STOX1: variants seen among roughly 807,000 people sequenced by gnomAD.
The protein encoded by STOX1 is storkhead box 1.
STOX1 carries 57 observed loss-of-function variants against 74.8 expected under a neutral mutation model. That is an observed-to-expected ratio of 0.76 (90% CI 0.62 to 0.95). The LOEUF (loss-of-function observed/expected upper bound fraction) is 0.95. Among genes scored for constraint, STOX1 ranks in the 40% least tolerant of loss-of-function variants. The pLI, the probability that STOX1 is intolerant of heterozygous loss-of-function variation, is 0.00. For missense variants in STOX1, 1,010 were observed against 1,117.0 expected (o/e 0.90, Z 1.37); for synonymous variants, 375 against 401.3 (o/e 0.93, Z 0.78).
intron 3 of STOX1, among the ~76,000 whole-genome samples, chr10:68,890,220 C>T (rs962059374): frequency 1.3e-5 from 2 of 151,430 alleles, no homozygotes; most frequent in African/African-American, 4.9e-5. Context: ...GGATAGAGTA[C>T]AGTGGTTCAG....
At position 68,865,343 on chromosome 10, in the gene STOX1, C is replaced by T. The variant is rs1163182; in HGVS notation, c.311-16615C>T. Reference sequence around the variant, plus strand: ...ATAGTAAAGAAACAGTCTTTTAAATCTGTGACTATTAAAGGCCAGTTTTTG... The same window carrying T: ...ATAGTAAAGAAACAGTCTTTTAAATTTGTGACTATTAAAGGCCAGTTTTTG... On this transcript the variant is annotated intron_variant, in intron 1 of 3. Coordinates refer to ENST00000298596, the MANE Select transcript of STOX1 (RefSeq NM_152709.5). 3.9e-3 allele frequency among the ~76,000 whole-genome samples: 592 copies of T among 152,282 alleles called. 3 individuals carry two copies. Among genetic ancestry groups the T allele is most frequent in the African/African-American group, 0.014 (564 of 41,570 alleles).
Position 68,881,941 on chromosome 10 carries a change from T to A in STOX1, c.311-17T>A. The A allele has an allele frequency of 6.2e-7, 1 of 1,613,750 alleles. No homozygotes were observed. Among genetic ancestry groups the A allele is most frequent in the African/African-American group, 1.3e-5 (1 of 75,048 alleles). On this transcript the variant is annotated splice_polypyrimidine_tract_variant and intron_variant, in intron 1 of 3. Transcript: ENST00000298596. ...TTTATCAACCCCCTCCCCCTTTTTT[T>A]TAAATCTCCAATTTAGGTGATGTCT...
chr10:68,843,322 G>A (rs1839743177), intron 1 of STOX1, among the ~76,000 whole-genome samples: 1 of 152,182 alleles, frequency 6.6e-6, no homozygotes, highest in Admixed American at 6.5e-5. Flanking sequence ...GTGAGCCACT[G>A]TACCTAGGTG....
In STOX1 at chr10:68,892,952, A is replaced by C. The variant is rs3482; in HGVS notation, c.*216A>C. On this transcript the variant is annotated 3_prime_UTR_variant, in exon 4 of 4. Transcript: ENST00000298596. ...CTTATTTTACTGTGAGTTTATTGGG[A>C]GTATATAGATTATTTTCGATTAAAA... 563 of 485,586 alleles carry C rather than the reference A, an allele frequency of 1.2e-3. 7 individuals are homozygous for C. In the East Asian group the frequency reaches 0.02, roughly 17 times the overall value. The allele number at this position is 485,586 out of a possible 1,614,324, so 30.1% of individuals were successfully genotyped here.
At chr10:68,835,512 A>G (rs924721905) in intron 1 of STOX1, among the ~76,000 whole-genome samples, 10 of 151,962 alleles carry the variant, frequency 6.6e-5, no homozygotes, top group African/African-American at 2.4e-4. Context: ...TTTTGTAGAG[A>G]TGGAGTCTCC....
At position 68,885,815 on chromosome 10, in the gene STOX1, T is replaced by C. The variant is rs368983864; in HGVS notation, c.2019T>C (p.Asp673=). The part of the protein sequence containing the change: ...IHQFQNLGLL[D]YPVGVNPLRQ... ...AGTTTCAAAATCTTGGCCTTTTGGA[T>C]TACCCAGTTGGCGTGAACCCTTTAA... Residue 673 remains aspartate, a synonymous_variant, in exon 3 of 4, where the codon GAT becomes GAC. Coordinates refer to ENST00000298596, the MANE Select transcript of STOX1 (RefSeq NM_152709.5). 3 of 1,613,926 alleles carry C rather than the reference T, an allele frequency of 1.9e-6. No individual in the cohort carries two copies. In the African/African-American group the frequency reaches 4.0e-5, roughly 22 times the overall value.
intron 1 of STOX1, among the ~76,000 whole-genome samples, chr10:68,859,411 A>G (rs996627100): frequency 6.6e-6 from 1 of 152,128 alleles, no homozygotes; most frequent in Non-Finnish European, 1.5e-5. Context: ...AAAACTAGGC[A>G]ATCCTAGTTG....
At chr10:68,858,773 C>T (rs1840189699) in intron 1 of STOX1, among the ~76,000 whole-genome samples, 1 of 151,690 alleles carries the variant, frequency 6.6e-6, no homozygotes, top group African/African-American at 2.4e-5. Flanking sequence ...GATTCTTGTG[C>T]AGGTCCTGTT....
chr10:68,828,967 C>G (rs1410515729), intron 1 of STOX1: 4 of 985,330 alleles, frequency 4.1e-6, no homozygotes, highest in Non-Finnish European at 4.8e-6. Context: ...CGTGAGTGGT[C>G]TCTGACTCTG....
chr10:68,835,491 T>G (rs1437874701), intron 1 of STOX1, among the ~76,000 whole-genome samples: 1 of 152,036 alleles, frequency 6.6e-6, no homozygotes, highest in Admixed American at 6.6e-5. Context: ...TCTGGCTAAT[T>G]TATTTTTATT....
At chr10:68,867,167 A>G (rs1177726661) in intron 1 of STOX1, among the ~76,000 whole-genome samples, 1 of 151,754 alleles carries the variant, frequency 6.6e-6, no homozygotes, top group Non-Finnish European at 1.5e-5. Flanking sequence ...GGATGGTCTC[A>G]ATCTCCTGAC....
At chr10:68,835,111 G>A (rs1191163859) in intron 1 of STOX1, among the ~76,000 whole-genome samples, 2 of 151,988 alleles carry the variant, frequency 1.3e-5, no homozygotes, top group Non-Finnish European at 2.9e-5. Context: ...GCATAATCTC[G>A]GCTCACTGTA....
At chr10:68,850,959 G>A (rs937586694) in intron 1 of STOX1, among the ~76,000 whole-genome samples, 11 of 152,096 alleles carry the variant, frequency 7.2e-5, no homozygotes, top group Admixed American at 3.9e-4. Context: ...GTGACAGAGC[G>A]AGACCGTGTC....
chr10:68,859,585 G>T (rs769204755), intron 1 of STOX1, among the ~76,000 whole-genome samples: 9 of 152,092 alleles, frequency 5.9e-5, no homozygotes, highest in Non-Finnish European at 1.2e-4. Flanking sequence ...AAATCCAGAA[G>T]GTCTAATCAA....
intron 1 of STOX1, among the ~76,000 whole-genome samples, chr10:68,850,938 C>A (rs1839967233): frequency 6.6e-6 from 1 of 151,812 alleles, no homozygotes; most frequent in Admixed American, 6.6e-5. Flanking sequence ...AGCCACTGCA[C>A]CCCAGCCTGG....
chr10:68,836,721 G>A (rs892582510), intron 1 of STOX1, among the ~76,000 whole-genome samples: 2 of 152,172 alleles, frequency 1.3e-5, no homozygotes, highest in African/African-American at 4.8e-5. Flanking sequence ...TAGTTCTTTA[G>A]GTGTGAACGG....
At chr10:68,833,984 T>C (rs971265885) in intron 1 of STOX1, among the ~76,000 whole-genome samples, 2 of 152,206 alleles carry the variant, frequency 1.3e-5, no homozygotes, top group African/African-American at 4.8e-5. Flanking sequence ...TTCTGGAAAC[T>C]GGCTGGTTCA....
At chr10:68,870,661 C>T (rs1043698508) in intron 1 of STOX1, among the ~76,000 whole-genome samples, 5 of 152,168 alleles carry the variant, frequency 3.3e-5, no homozygotes, top group African/African-American at 1.2e-4. Context: ...TGGCAAGAAG[C>T]AGAAGCAATG....
At chr10:68,855,124 ATTT>A (rs56333446) in intron 1 of STOX1, among the ~76,000 whole-genome samples, 8 of 136,480 alleles carry the variant, frequency 5.9e-5, no homozygotes, top group African/African-American at 5.4e-5. Context: ...TTAAAAAAAA[ATTT>A]TTTTTTTTTT....
Sources: gnomAD v4.1 joint callset for allele counts (sites outside exome capture counted in the v4.1 genomes callset) on GRCh38, gnomAD v4.1.1 for gene constraint, MANE v1.5 for transcripts, NCBI Gene and HGNC (gene_info 2026-07-23, HGNC 2026-07-21) for gene names.